ADGRD1: variants seen among roughly 807,000 people sequenced by gnomAD.
ADGRD1 encodes adhesion G protein-coupled receptor D1.
Under a neutral mutation model 113.4 loss-of-function variants are expected in ADGRD1, and 77 were observed. That is an observed-to-expected ratio of 0.68 (90% CI 0.57 to 0.82). The LOEUF (loss-of-function observed/expected upper bound fraction) is 0.82, where lower values mean the gene tolerates loss of function less well. Among genes scored for constraint, ADGRD1 ranks in the 40% least tolerant of loss-of-function variants. The pLI, the probability that ADGRD1 is intolerant of heterozygous loss-of-function variation, is 0.00. For missense variants in ADGRD1, 1,036 were observed against 1,139.1 expected (o/e 0.91, Z 1.30); for synonymous variants, 474 against 475.0 (o/e 1.00, Z 0.03).
Position 130,971,679 on chromosome 12 carries a change from C to T in ADGRD1, c.310+99C>T, listed in dbSNP as rs1490461330. 1 of 1,309,056 alleles carries T rather than the reference C, an allele frequency of 7.6e-7. No individual in the cohort carries two copies. Among genetic ancestry groups the T allele is most frequent in the African/African-American group, 1.5e-5 (1 of 67,010 alleles). The allele number at this position is 1,309,056 out of a possible 1,614,324, so 81.1% of individuals were successfully genotyped here. On this transcript the variant is annotated intron_variant, in intron 4 of 24. Transcript: ENST00000261654. The surrounding 1 kb of genome is among the most constrained non-coding windows in gnomAD (Gnocchi z 4.2). ...GAAGATGTGAACCTGAGGTTCTCATCAATTGCAGAATGCGTGAGAATGTCA... is the reference window on the plus strand; with the variant it reads ...GAAGATGTGAACCTGAGGTTCTCATTAATTGCAGAATGCGTGAGAATGTCA...
At chr12:131,112,791 G>A (rs965371760) in intron 18 of ADGRD1, among the ~76,000 whole-genome samples, 1 of 152,194 alleles carries the variant, frequency 6.6e-6, no homozygotes, top group African/African-American at 2.4e-5. Context: ...GGGGGAAATC[G>A]CTTCGAATCT....
At chr12:130,979,817 T>TCTCACACACACACACACA (rs1491498051) in intron 4 of ADGRD1, among the ~76,000 whole-genome samples, 6 of 53,842 alleles carry the variant, frequency 1.1e-4, no homozygotes, top group Non-Finnish European at 1.9e-4. Context: ...AGCTAGTGTC[T>TCTCACACACACACACACA]CACACACACA....
At position 131,026,519 on chromosome 12, in the gene ADGRD1, C is replaced by T. The variant is rs28637492; in HGVS notation, c.1473+12179C>T. On this transcript the variant is annotated intron_variant, in intron 13 of 24. Transcript: ENST00000261654. The stretch of plus-strand genomic sequence containing the variant: ...TGGAGCTCCAGCGTCCATGTCACCC[C>T]GGAACAGAGGAGGTTCCCAGGCATA... The T allele has an allele frequency of 1.7e-3, 252 of 152,344 alleles. 2 individuals are homozygous for T. Among genetic ancestry groups the T allele is most frequent in the East Asian group, 9.9e-3 (51 of 5,176 alleles). The allele number at this position is 152,344 out of a possible 1,614,324, so 9.4% of individuals were successfully genotyped here. A position where few individuals can be genotyped will look rare whatever the true frequency, so the allele number is the denominator to read the frequency against.
At chr12:131,035,611 C>T (rs923846837) in intron 13 of ADGRD1, 1 of 140,634 alleles carries the variant, frequency 7.1e-6, no homozygotes, top group African/African-American at 2.4e-5. Flanking sequence ...CTTCTCTGTG[C>T]TTAACTGATG....
At position 131,039,603 on chromosome 12, in the gene ADGRD1, T is replaced by A. The variant is rs141636656; in HGVS notation, c.1473+25263T>A. Among the ~76,000 whole-genome samples the A allele has an allele frequency of 5.9e-3, 899 of 152,276 alleles. 7 individuals are homozygous for A. The highest frequency in any genetic ancestry group is 0.021 in the African/African-American group (862 of 41,552). ...GTGTGGACTCTGAGGGGGTCACTTGTTTGTTGAAGGCTTTCCTCTCTGAGT... is the reference window on the plus strand; with the variant it reads ...GTGTGGACTCTGAGGGGGTCACTTGATTGTTGAAGGCTTTCCTCTCTGAGT... On this transcript the variant is annotated intron_variant, in intron 13 of 24. Transcript: ENST00000261654.
At chr12:131,005,852 T>TC in intron 11 of ADGRD1, 120 bp from the exon 12 acceptor site, 1 of 764,984 alleles carries the variant, frequency 1.3e-6, no homozygotes, top group South Asian at 1.5e-5. Context: ...CACTTCCTTC[T>TC]CCCCAGAGGG....
At chr12:130,990,914 C>A in intron 6 of ADGRD1, 100 bp from the exon 7 acceptor site, 1 of 839,566 alleles carries the variant, frequency 1.2e-6, no homozygotes, top group Non-Finnish European at 2.0e-6. Context: ...GACTCTCTTC[C>A]ATGTGTCTGA....
At chr12:130,989,865 G>A (rs1269685060) in intron 6 of ADGRD1, 3 of 152,344 alleles carry the variant, frequency 2.0e-5, no homozygotes, top group Admixed American at 1.3e-4. Context: ...CACTGGAATG[G>A]ACAGCAGCTC....
intron 13 of ADGRD1, among the ~76,000 whole-genome samples, chr12:131,064,977 C>T (rs1309759539): frequency 6.6e-6 from 1 of 152,220 alleles, no homozygotes; most frequent in Non-Finnish European, 1.5e-5. Context: ...ACAGGATGAG[C>T]AGCACTAGGC....
intron 14 of ADGRD1, among the ~76,000 whole-genome samples, chr12:131,077,467 C>T (rs530318108): frequency 6.6e-6 from 1 of 152,344 alleles, no homozygotes; most frequent in Admixed American, 6.5e-5. Context: ...CCCCAGCTCG[C>T]CTCCACGGCT....
rs1471587171 is a variant in ADGRD1 at position 131,102,285 on chromosome 12, G to T, written c.1672-2546G>T. Among the ~76,000 whole-genome samples the T allele has an allele frequency of 2.0e-5, 3 of 152,194 alleles. No individual in the cohort carries two copies. The East Asian group carries it at 5.8e-4, about 29-fold the overall frequency. On this transcript the variant is annotated intron_variant, in intron 15 of 24. Transcript: ENST00000261654. ...GATTAATGGGAGTAGCTCTTGGCCCGTCGGTCTGCAGGTGGAGATGTTTGT... is the reference window on the plus strand; with the variant it reads ...GATTAATGGGAGTAGCTCTTGGCCCTTCGGTCTGCAGGTGGAGATGTTTGT...
In ADGRD1 at chr12:130,971,521, T is replaced by C. The variant is rs1447721661; in HGVS notation, c.251T>C (p.Leu84Pro). ...YLKEEKGVTL[L>P]YYGRYNSSCI... ...AAAGAGGAAAAGGGAGTCACGCTTC[T>C]CTATTACGGCAGGTACAACAGCTCC... The change falls in exon 4 of 25, where the codon CTC becomes CCC. Residue 84 changes from leucine (L) to proline (P), a missense_variant. Physicochemically the swap from Leu to Pro is moderately conservative, Grantham distance 98. Coordinates refer to ENST00000261654, the MANE Select transcript of ADGRD1 (RefSeq NM_198827.5). This position sits in a 1 kb window ranked among gnomAD's most constrained non-coding sequence, Gnocchi z 4.2. The C allele has an allele frequency of 6.2e-7, 1 of 1,613,782 alleles. No individual in the cohort carries two copies. The highest frequency in any genetic ancestry group is 1.1e-5 in the South Asian group (1 of 91,024).
chr12:130,960,416 G>C (rs759331946), intron 2 of ADGRD1, among the ~76,000 whole-genome samples: 1 of 151,894 alleles, frequency 6.6e-6, no homozygotes, highest in Non-Finnish European at 1.5e-5. Flanking sequence ...GGCAGAAACT[G>C]GATTCTTCAT....
intron 13 of ADGRD1, among the ~76,000 whole-genome samples, chr12:131,061,012 A>G (rs1242277715): frequency 2.0e-5 from 3 of 152,096 alleles, no homozygotes; most frequent in African/African-American, 7.2e-5. Flanking sequence ...CGTGAGACTC[A>G]TCCCTGTGAA....
chr12:131,032,934 C>T (rs1445984184), intron 13 of ADGRD1, among the ~76,000 whole-genome samples: 1 of 98,376 alleles, frequency 1.0e-5, no homozygotes. Flanking sequence ...GAAATCGCCA[C>T]CCCGTCACAG....
intron 13 of ADGRD1, among the ~76,000 whole-genome samples, chr12:131,044,913 T>C (rs1882522601): frequency 1.3e-5 from 2 of 152,344 alleles, no homozygotes; most frequent in East Asian, 3.9e-4. Context: ...GCGCCGCGGT[T>C]CGTGTGGCTG....
At chr12:131,044,320 G>A (rs963507910) in intron 13 of ADGRD1, among the ~76,000 whole-genome samples, 3 of 152,146 alleles carry the variant, frequency 2.0e-5, no homozygotes, top group Non-Finnish European at 2.9e-5. Flanking sequence ...AGGAGGCCAC[G>A]CTGTGTCTGC....
intron 2 of ADGRD1, among the ~76,000 whole-genome samples, chr12:130,964,484 G>A (rs1394712712): frequency 2.0e-5 from 3 of 152,092 alleles, no homozygotes; most frequent in Non-Finnish European, 2.9e-5. Flanking sequence ...TCAGGAGTTC[G>A]AGACTAGCCC....
chr12:130,963,319 CAAAAAAAAAAAAAAA>C (rs61220467), intron 2 of ADGRD1, among the ~76,000 whole-genome samples: 4 of 75,052 alleles, frequency 5.3e-5, no homozygotes, highest in Non-Finnish European at 9.9e-5. Flanking sequence ...GACTCCGTCT[CAAAAAAAAAAAAAAA>C]AAAAAAAAGA....
Sources: gnomAD v4.1 joint callset for allele counts (sites outside exome capture counted in the v4.1 genomes callset) on GRCh38, gnomAD v4.1.1 for gene constraint, Gnocchi (gnomAD v3.1) non-coding constraint, MANE v1.5 for transcripts, NCBI Gene and HGNC (gene_info 2026-07-23, HGNC 2026-07-21) for gene names.